ADAMTSL1: variants seen among roughly 807,000 people sequenced by gnomAD.
The protein encoded by ADAMTSL1 is ADAMTS like 1, also known as ADAMTS-like protein 1.
ADAMTSL1 carries 126 observed loss-of-function variants against 201.8 expected under a neutral mutation model. That is an observed-to-expected ratio of 0.62 (90% confidence interval 0.54 to 0.72). The LOEUF is 0.72. ADAMTSL1 is among the 30% of genes least tolerant of loss of function. ADAMTSL1 has a pLI of 0.00. For synonymous variants in ADAMTSL1, 1,121 were observed against 903.4 expected (o/e 1.24, Z -4.32); for missense variants, 2,679 against 2,277.8 (o/e 1.18, Z -3.59).
At chr9:18,372,644 A>G (rs1837097293) in intron 2 of ADAMTSL1, among the ~76,000 whole-genome samples, 2 of 152,208 alleles carry the variant, frequency 1.3e-5, no homozygotes, top group Admixed American at 6.5e-5. Context: ...GTTCACCAAC[A>G]TTATAAAAAT....
intron 2 of ADAMTSL1, among the ~76,000 whole-genome samples, chr9:18,374,528 T>C (rs1837199504): frequency 2.0e-5 from 3 of 152,008 alleles, no homozygotes; most frequent in African/African-American, 7.2e-5. Context: ...AGATAGGTTT[T>C]TGCCATGTTG....
chr9:18,140,667 G>T (rs1404117110), intron 1 of ADAMTSL1, among the ~76,000 whole-genome samples: 1 of 152,180 alleles, frequency 6.6e-6, no homozygotes, highest in African/African-American at 2.4e-5. Context: ...GAGGCAGTGA[G>T]CCATTCATCA....
At chr9:18,208,491 G>A (rs947476667) in intron 2 of ADAMTSL1, among the ~76,000 whole-genome samples, 1 of 152,056 alleles carries the variant, frequency 6.6e-6, no homozygotes, top group African/African-American at 2.4e-5. Context: ...GGGTCCTCAG[G>A]GCAAATGTCT....
At chr9:17,994,763 C>T (rs897727397) in intron 1 of ADAMTSL1, among the ~76,000 whole-genome samples, 1 of 152,094 alleles carries the variant, frequency 6.6e-6, no homozygotes, top group Non-Finnish European at 1.5e-5. Context: ...CCTCTGAAGT[C>T]CAGGCACAGG....
chr9:18,074,471 G>GTCTTTTCTTTTTTCTTTTCTTTTCTTTTC (rs1823105459), intron 1 of ADAMTSL1, among the ~76,000 whole-genome samples: 3 of 126,870 alleles, frequency 2.4e-5, no homozygotes, highest in African/African-American at 8.9e-5. Context: ...ACCACACTGT[G>GTCTTTTCTTTTTTCTTTTCTTTTCTTTTC]TTTTCTTTTC....
At chr9:18,684,645 T>C in intron 12 of ADAMTSL1, 71 bp from the exon 13 acceptor site, 2 of 1,513,912 alleles carry the variant, frequency 1.3e-6, no homozygotes, top group Non-Finnish European at 1.8e-6. Flanking sequence ...GTGAGGAGAA[T>C]AAGGAATTTT....
At chr9:18,404,510 G>C (rs1004063488) in intron 2 of ADAMTSL1, among the ~76,000 whole-genome samples, 1 of 152,208 alleles carries the variant, frequency 6.6e-6, no homozygotes, top group African/African-American at 2.4e-5. Context: ...CAGCCTCTGA[G>C]GTGGTGCCCT....
intron 10 of ADAMTSL1, among the ~76,000 whole-genome samples, chr9:18,679,918 G>C (rs548409267): frequency 5.9e-5 from 9 of 152,276 alleles, no homozygotes; most frequent in African/African-American, 2.2e-4. Context: ...TGTTAACTGA[G>C]TATACCACTT....
At chr9:18,505,524 G>A (rs916842142) in intron 2 of ADAMTSL1, among the ~76,000 whole-genome samples, 7 of 152,172 alleles carry the variant, frequency 4.6e-5, no homozygotes, top group African/African-American at 7.2e-5. Flanking sequence ...GGATGAAGAA[G>A]GTAGACATGG....
chr9:18,850,339 C>G (rs571419211), intron 23 of ADAMTSL1, among the ~76,000 whole-genome samples: 1 of 152,334 alleles, frequency 6.6e-6, no homozygotes, highest in South Asian at 2.1e-4. Context: ...TACTCTTTCC[C>G]CAATAAATCC....
chr9:18,625,117 C>G (rs1450486224), intron 5 of ADAMTSL1, among the ~76,000 whole-genome samples: 1 of 152,144 alleles, frequency 6.6e-6, no homozygotes, highest in Admixed American at 6.5e-5. Context: ...AGTGGAGAAG[C>G]CAGGTGAGCA....
At chr9:18,472,402 C>G (rs371337419), upstream of ADAMTSL1, among the ~76,000 whole-genome samples, 19 of 152,280 alleles carry the variant, frequency 1.2e-4, 1 homozygote, top group South Asian at 3.9e-3. Flanking sequence ...AAGCATATTT[C>G]AAGAATGGGC....
At chr9:18,888,167 C>G in intron 24 of ADAMTSL1, 124 bp downstream of exon 24, 2 of 1,003,316 alleles carry the variant, frequency 2.0e-6, no homozygotes, top group Non-Finnish European at 2.9e-6. Context: ...AAAACCAAAG[C>G]CATGCCATGT....
chr9:18,784,060 C>A (rs1821558651), intron 19 of ADAMTSL1, among the ~76,000 whole-genome samples: 1 of 152,184 alleles, frequency 6.6e-6, no homozygotes, highest in South Asian at 2.1e-4. Flanking sequence ...ATATCCTTGA[C>A]CTCATAGAAC....
chr9:18,164,574 C>T (rs1827550376), intron 2 of ADAMTSL1, among the ~76,000 whole-genome samples: 2 of 151,770 alleles, frequency 1.3e-5, no homozygotes, highest in Admixed American at 1.3e-4. Context: ...GTAATTTGGA[C>T]TTCTTTGTGA....
chr9:18,533,704 C>T (rs542021585), intron 3 of ADAMTSL1, among the ~76,000 whole-genome samples: 3 of 152,276 alleles, frequency 2.0e-5, no homozygotes, highest in South Asian at 2.1e-4. Context: ...ATGTGTGAGG[C>T]ACTACACCAG....
chr9:18,300,818 G>A (rs1833680340), intron 2 of ADAMTSL1, among the ~76,000 whole-genome samples: 1 of 152,124 alleles, frequency 6.6e-6, no homozygotes, highest in Admixed American at 6.5e-5. Context: ...AGCCGAAATT[G>A]GAGCAGAAAT....
chr9:18,437,725 C>A (rs534706873), intron 2 of ADAMTSL1, among the ~76,000 whole-genome samples: 1 of 152,106 alleles, frequency 6.6e-6, no homozygotes, highest in South Asian at 2.1e-4. Flanking sequence ...AAGCTCTTGA[C>A]CCAGAACAGT....
At chr9:18,007,056 A>G (rs749668748) in intron 1 of ADAMTSL1, among the ~76,000 whole-genome samples, 11 of 152,092 alleles carry the variant, frequency 7.2e-5, no homozygotes, top group Non-Finnish European at 1.3e-4. Flanking sequence ...TCAAATGTTT[A>G]AAGCCTAAAG....
Sources: allele counts gnomAD v4.1 joint callset (sites outside exome capture counted in the v4.1 genomes callset), GRCh38; gene constraint gnomAD v4.1.1; transcripts MANE v1.5; gene names NCBI Gene and HGNC (gene_info 2026-07-23, HGNC 2026-07-21).